Variants in PRSS38 observed in about 807,000 individuals in gnomAD.
PRSS38 encodes the protein serine protease 38, also known as marapsin 2.
PRSS38 carries 22 observed loss-of-function variants against 26.8 expected under a neutral mutation model. The ratio of observed to expected loss-of-function variants is 0.82; its 90% confidence interval spans 0.59 to 1.17. The LOEUF is 1.17. Ranked by LOEUF, PRSS38 falls within the 50% of genes most tolerant of loss-of-function variation. The pLI is 0.00. For synonymous variants in PRSS38, 175 were observed against 172.1 expected, an observed-to-expected ratio of 1.02 and a Z score of -0.13; for missense variants, 427 against 422.7, an observed-to-expected ratio of 1.01 and a Z score of -0.09.
chr1:227,832,254 T>C (rs928748465), intron 3 of PRSS38, among the ~76,000 whole-genome samples: 20 of 152,232 alleles, frequency 1.3e-4, no homozygotes, highest in African/African-American at 4.6e-4. Context: ...AGTCTGGAAA[T>C]CTCTGCCTTT....
At chr1:227,834,730 T>C (rs891941226) in intron 3 of PRSS38, among the ~76,000 whole-genome samples, 5 of 151,518 alleles carry the variant, frequency 3.3e-5, no homozygotes, top group African/African-American at 1.2e-4. Context: ...CTGGGGAGGC[T>C]GTGGTGGGAG....
chr1:227,830,391 A>G (rs1232525243), intron 3 of PRSS38, among the ~76,000 whole-genome samples: 2 of 151,408 alleles, frequency 1.3e-5, no homozygotes, highest in East Asian at 3.9e-4. Flanking sequence ...TATTTTTATT[A>G]TTAGTTTGTT....
At position 227,842,057 on chromosome 1, in the gene PRSS38, TCCC is replaced by T. The variant is rs576414180; in HGVS notation, c.584-3409_584-3407del. ...GGAAGCCAGTAGAATGAGAACTCAC[TCCC>T]CCCACCTCCACAGCACTGATCTATT... On this transcript the variant is annotated intron_variant, in intron 3 of 4. Transcript: ENST00000366757. Among the ~76,000 whole-genome samples the T allele has an allele frequency of 9.9e-5, 15 of 151,234 alleles. No homozygotes were observed. In the South Asian group the frequency reaches 2.9e-3, roughly 30 times the overall value.
rs192279514 is a variant in PRSS38 at position 227,827,845 on chromosome 1, T to C, written c.583+10365T>C. Among the ~76,000 whole-genome samples the C allele has an allele frequency of 9.1e-4, 138 of 152,338 alleles. 1 individual carries two copies. Among genetic ancestry groups the C allele is most frequent in the African/African-American group, 3.2e-3 (132 of 41,574 alleles). On this transcript the variant is annotated intron_variant, in intron 3 of 4. Coordinates refer to ENST00000366757, the Ensembl canonical transcript of PRSS38. ...GGGCATTTAGTGCTATAAATTTCTCTGTTACCACTGCTTTAGCTGTATCCC... is the reference window on the plus strand; with the variant it reads ...GGGCATTTAGTGCTATAAATTTCTCCGTTACCACTGCTTTAGCTGTATCCC...
At chr1:227,840,647 G>A (rs949714076) in intron 3 of PRSS38, among the ~76,000 whole-genome samples, 54 of 152,120 alleles carry the variant, frequency 3.5e-4, no homozygotes, top group Admixed American at 5.9e-4. Flanking sequence ...CTACTCTTTG[G>A]CCCTTTACAG....
chr1:227,823,123 A>G (rs1019399859), intron 3 of PRSS38, among the ~76,000 whole-genome samples: 3 of 152,074 alleles, frequency 2.0e-5, no homozygotes, highest in African/African-American at 7.2e-5. Flanking sequence ...TCTCCAATGC[A>G]TATTATTCCA....
chr1:227,844,296 G>A (rs1312684243), intron 3 of PRSS38, among the ~76,000 whole-genome samples: 1 of 152,004 alleles, frequency 6.6e-6, no homozygotes, highest in African/African-American at 2.4e-5. Flanking sequence ...GGGTCATCGG[G>A]GTTACTCCCT....
chr1:227,818,970 T>C (rs886517822), intron 3 of PRSS38, among the ~76,000 whole-genome samples: 1 of 152,232 alleles, frequency 6.6e-6, no homozygotes, highest in Admixed American at 6.5e-5. Context: ...TAAAATTTAT[T>C]CTTAGGCCAA....
intron 3 of PRSS38, 54 bp downstream of exon 3, chr1:227,817,534 C>T: frequency 6.3e-7 from 1 of 1,575,606 alleles, no homozygotes. Context: ...TCTTCCACCA[C>T]AGGGAAGAAA....
Position 227,845,934 on chromosome 1 carries a change from A to T in PRSS38, c.727-20A>T. 6.2e-7 allele frequency: 1 copy of T among 1,612,922 alleles called. No individual in the cohort carries two copies. ...GGCCTGGGACTCCCAGTTCACAAAA[A>T]ACTCCCTCTTCCTTTCTAGGGCGAC... On this transcript the variant is annotated intron_variant, in intron 4 of 4. Coordinates refer to ENST00000366757, the Ensembl canonical transcript of PRSS38.
intron 3 of PRSS38, among the ~76,000 whole-genome samples, chr1:227,822,635 T>TTA (rs1431503247): frequency 6.6e-6 from 1 of 152,238 alleles, no homozygotes; most frequent in Non-Finnish European, 1.5e-5. Flanking sequence ...GAAGTCGCTA[T>TTA]TCCTTAGCTT....
chr1:227,816,176 T>G lies in PRSS38; in HGVS notation c.235T>G (p.Tyr79Asp), dbSNP rs143414065. The change falls in exon 2 of 5, where the codon TAC (tyrosine) becomes GAC (aspartate). Residue 79 changes from tyrosine (Y) to aspartate (D), a missense_variant. Coordinates refer to ENST00000366757, the Ensembl canonical transcript of PRSS38. The surrounding 1 kb of genome is among the most constrained non-coding windows in gnomAD (Gnocchi z 5.1). ...GTGGCCGTGGCAGGTCAGCGTGCAC[T>G]ACGCAGGCCTCCACGTCTGCGGCGG... 3 of 1,613,434 alleles carry G rather than the reference T, an allele frequency of 1.9e-6. No individual in the cohort carries two copies. In the African/African-American group the frequency reaches 4.0e-5, roughly 22 times the overall value.
chr1:227,828,376 A>G (rs1665104874), intron 3 of PRSS38, among the ~76,000 whole-genome samples: 1 of 152,122 alleles, frequency 6.6e-6, no homozygotes, highest in South Asian at 2.1e-4. Context: ...GTGCTCCTGT[A>G]TTGGGTGCAT....
chr1:227,838,144 T>C (rs913813122), intron 3 of PRSS38, among the ~76,000 whole-genome samples: 1 of 152,214 alleles, frequency 6.6e-6, no homozygotes, highest in African/African-American at 2.4e-5. Context: ...AATATTTTGG[T>C]TTCACACATA....
In PRSS38 at chr1:227,815,839, G is replaced by A. The variant is rs764443089; in HGVS notation, c.123G>A (p.Gln41=). The A allele has an allele frequency of 1.6e-5, 26 of 1,610,980 alleles. 2 individuals are homozygous for A. Among genetic ancestry groups the A allele is most frequent in the South Asian group, 1.3e-4 (12 of 90,848 alleles). Residue 41 remains glutamine, a synonymous_variant, in exon 1 of 5, where the codon CAG becomes CAA. Transcript: ENST00000366757. Reference sequence around the variant, plus strand: ...TGGTCCACAGACAGCCAGAGAACCAGGGAATCTCCCTAACTGGCAGCGTGG... The same window carrying A: ...TGGTCCACAGACAGCCAGAGAACCAAGGAATCTCCCTAACTGGCAGCGTGG...
At chr1:227,830,782 G>A (rs1027317762) in intron 3 of PRSS38, among the ~76,000 whole-genome samples, 7 of 151,948 alleles carry the variant, frequency 4.6e-5, no homozygotes, top group African/African-American at 1.7e-4. Context: ...TGGGATTACA[G>A]GCTTGAGCCA....
intron 3 of PRSS38, among the ~76,000 whole-genome samples, chr1:227,838,482 T>C (rs1665270372): frequency 6.6e-6 from 1 of 152,154 alleles, no homozygotes; most frequent in Non-Finnish European, 1.5e-5. Context: ...TTTCCACTTG[T>C]GTTTGGAGTC....
intron 3 of PRSS38, among the ~76,000 whole-genome samples, chr1:227,839,481 G>T (rs1665285295): frequency 6.6e-6 from 1 of 151,490 alleles, no homozygotes; most frequent in South Asian, 2.1e-4. Flanking sequence ...GAAAAAAAAG[G>T]TATGTAACCA....
chr1:227,818,312 T>C lies in PRSS38; in HGVS notation c.583+832T>C, dbSNP rs4319329. On this transcript the variant is annotated intron_variant, in intron 3 of 4. Coordinates refer to ENST00000366757, the Ensembl canonical transcript of PRSS38. ...TTAAAAAATTATAGAAAATTATTGA[T>C]TTTATTGAAATGTTTGCGGCAACTC... Among the ~76,000 whole-genome samples the C allele has an allele frequency of 6.1e-3, 935 of 152,356 alleles. 12 individuals carry two copies. Among genetic ancestry groups the C allele is most frequent in the African/African-American group, 0.021 (878 of 41,584 alleles).
Sources: allele counts gnomAD v4.1 joint callset (sites outside exome capture counted in the v4.1 genomes callset), GRCh38; gene constraint gnomAD v4.1.1; non-coding constraint Gnocchi (gnomAD v3.1); transcripts MANE v1.5; gene names NCBI Gene and HGNC (gene_info 2026-07-23, HGNC 2026-07-21).